Variants in HPGD observed in about 807,000 individuals in gnomAD.
HPGD encodes 15-hydroxyprostaglandin dehydrogenase [NAD(+)].
A neutral mutation model predicts 30.0 loss-of-function variants in HPGD; 29 were observed. The observed-to-expected ratio is 0.97, with a 90% CI of 0.72 to 1.32. The LOEUF is 1.32. Among genes scored for constraint, HPGD ranks in the 40% most tolerant of loss-of-function variants. HPGD has a pLI of 0.00. For synonymous variants in HPGD, 99 were observed against 112.4 expected (o/e 0.88, Z 0.75); for missense variants, 340 against 322.1 (o/e 1.06, Z -0.43).
chr4:174,518,666 C>T (rs1049343511), intron 2 of HPGD, among the ~76,000 whole-genome samples: 22 of 151,972 alleles, frequency 1.4e-4, no homozygotes, highest in African/African-American at 5.1e-4. Context: ...ACTGAAACTT[C>T]GATGTTTACT....
At chr4:174,501,915 A>T (rs1734920723) in intron 4 of HPGD, among the ~76,000 whole-genome samples, 2 of 152,196 alleles carry the variant, frequency 1.3e-5, no homozygotes, top group Admixed American at 1.3e-4. Flanking sequence ...TTTTTTGCAA[A>T]AACAGAAACC....
intron 3 of HPGD, among the ~76,000 whole-genome samples, chr4:174,513,516 G>T (rs1321821317): frequency 6.6e-6 from 1 of 150,650 alleles, no homozygotes; most frequent in Non-Finnish European, 1.5e-5. Context: ...TTTAGGGAAG[G>T]AATAGAAAAA....
chr4:174,501,488 G>C (rs559138252), intron 4 of HPGD, among the ~76,000 whole-genome samples: 1 of 152,198 alleles, frequency 6.6e-6, no homozygotes, highest in African/African-American at 2.4e-5. Context: ...CAGTACCTCT[G>C]ATAGGCCCAC....
chr4:174,502,474 G>C (rs562848448), intron 4 of HPGD, among the ~76,000 whole-genome samples: 22 of 152,072 alleles, frequency 1.4e-4, no homozygotes, highest in Admixed American at 4.6e-4. Context: ...GTCAGGAGAT[G>C]GTGACCATCC....
intron 4 of HPGD, among the ~76,000 whole-genome samples, 193 bp downstream of exon 4, chr4:174,508,503 A>T (rs1413911472): frequency 6.6e-6 from 1 of 152,184 alleles, no homozygotes; most frequent in Non-Finnish European, 1.5e-5. Context: ...TAAAAGCCAC[A>T]AGTTAAATTA....
chr4:174,515,902 G>A (rs912035471), intron 3 of HPGD, among the ~76,000 whole-genome samples: 1 of 152,082 alleles, frequency 6.6e-6, no homozygotes, highest in Non-Finnish European at 1.5e-5. Context: ...CTAATCATCA[G>A]AGAAATGCAA....
At chr4:174,502,420 TG>T (rs1386401417) in intron 4 of HPGD, among the ~76,000 whole-genome samples, 1 of 152,172 alleles carries the variant, frequency 6.6e-6, no homozygotes, top group African/African-American at 2.4e-5. Flanking sequence ...GGCTGACGCC[TG>T]TAATCCCAGC....
chr4:174,500,107 C>T (rs1734830729), intron 4 of HPGD, among the ~76,000 whole-genome samples: 2 of 152,174 alleles, frequency 1.3e-5, no homozygotes, highest in Non-Finnish European at 2.9e-5. Context: ...AGTGGGTGCT[C>T]AGCCTGGGCA....
At chr4:174,499,697 C>T (rs1164249502) in intron 4 of HPGD, among the ~76,000 whole-genome samples, 1 of 152,148 alleles carries the variant, frequency 6.6e-6, no homozygotes, top group African/African-American at 2.4e-5. Flanking sequence ...TGATCCCTTC[C>T]TCAGCAGCAA....
upstream of HPGD, chr4:174,522,517 G>GC (rs1200506507): frequency 5.6e-6 from 7 of 1,252,528 alleles, no homozygotes; most frequent in East Asian, 8.5e-5. Context: ...CGGCTTTTAT[G>GC]CCCCCCTGCG....
chr4:174,508,149 C>G (rs1323841821), intron 4 of HPGD: 2 of 702,392 alleles, frequency 2.8e-6, no homozygotes, highest in Non-Finnish European at 5.2e-6. Flanking sequence ...CTTCTGCCAG[C>G]CAGGTTTTCA....
intron 3 of HPGD, among the ~76,000 whole-genome samples, chr4:174,509,398 T>C (rs1465535376): frequency 6.6e-6 from 1 of 152,206 alleles, no homozygotes; most frequent in Non-Finnish European, 1.5e-5. Flanking sequence ...AATTCAGTCA[T>C]GGAAATCCCA....
chr4:174,518,094 A>T lies in HPGD; in HGVS notation c.218-17T>A. On this transcript the variant is annotated splice_polypyrimidine_tract_variant and intron_variant, in intron 2 of 6. Coordinates refer to ENST00000296522, the MANE Select transcript of HPGD (RefSeq NM_000860.6). ...TAAAAGTGTCTAATTATAAAACAAG[A>T]TATTAGTGATACATTCTTATTTTCC... 1 of 1,123,530 alleles carries T rather than the reference A, an allele frequency of 8.9e-7. No homozygotes were observed. Among genetic ancestry groups the T allele is most frequent in the Non-Finnish European group, 1.4e-6 (1 of 735,812 alleles). The allele number at this position is 1,123,530 out of a possible 1,614,324, so 69.6% of individuals were successfully genotyped here.
intron 5 of HPGD, 66 bp from the exon 6 acceptor site, chr4:174,493,380 T>C: frequency 6.9e-7 from 1 of 1,456,186 alleles, no homozygotes; most frequent in Non-Finnish European, 9.6e-7. Context: ...AAACTGATCA[T>C]TAAAGCATCT....
At chr4:174,522,294 G>T in intron 1 of HPGD, 65 bp downstream of exon 1, 2 of 1,466,678 alleles carry the variant, frequency 1.4e-6, no homozygotes, top group South Asian at 1.2e-5. Context: ...AGTGCACCTC[G>T]GGCGGCGGGG....
In HPGD at chr4:174,496,810, C is replaced by T. The variant is rs1734618558; in HGVS notation, c.422-1186G>A. ...GCAGACCATAACCACTCCCTGGGTG[C>T]CTGCCAGGTTTCAATTTATAAAGTA... is the stretch of plus-strand genomic sequence containing the variant. On this transcript the variant is annotated intron_variant, in intron 4 of 6. Coordinates refer to ENST00000296522, the MANE Select transcript of HPGD (RefSeq NM_000860.6). The surrounding 1 kb of genome is among the most constrained non-coding windows in gnomAD (Gnocchi z 4.6). Among the ~76,000 whole-genome samples, 1 of 152,176 alleles carries T rather than the reference C, an allele frequency of 6.6e-6. No individual in the cohort carries two copies. Among genetic ancestry groups the T allele is most frequent in the Non-Finnish European group, 1.5e-5 (1 of 68,032 alleles).
rs2110759422 is a variant in HPGD, at chr4:174,490,788, A to C, written c.*1168T>G. 6.6e-6 allele frequency: 1 copy of C among 152,464 alleles called. No individual in the cohort carries two copies. The highest frequency in any genetic ancestry group is 3.4e-3 in the Middle Eastern group (1 of 294). The allele number at this position is 152,464 out of a possible 1,614,324, so 9.4% of individuals were successfully genotyped here. ...GCTGGGAGGTCTGGAGTTAGCAGACAGGATGAGTCACTTATACGATATTTT... is the reference window on the plus strand; with the variant it reads ...GCTGGGAGGTCTGGAGTTAGCAGACCGGATGAGTCACTTATACGATATTTT... On this transcript the variant is annotated 3_prime_UTR_variant, in exon 7 of 7. Coordinates refer to ENST00000296522, the MANE Select transcript of HPGD (RefSeq NM_000860.6). The surrounding 1 kb of genome is among the most constrained non-coding windows in gnomAD (Gnocchi z 4.4).
chr4:174,517,160 T>C (rs1157595736), intron 3 of HPGD, among the ~76,000 whole-genome samples: 1 of 152,188 alleles, frequency 6.6e-6, no homozygotes, highest in Admixed American at 6.5e-5. Flanking sequence ...CAATATCTTA[T>C]GTCAAGGGTA....
intron 3 of HPGD, among the ~76,000 whole-genome samples, chr4:174,511,327 G>A (rs1735479862): frequency 6.6e-6 from 1 of 152,148 alleles, no homozygotes; most frequent in African/African-American, 2.4e-5. Context: ...GCACGTGAGA[G>A]TTATTTATAT....
Sources: allele counts gnomAD v4.1 joint callset (sites outside exome capture counted in the v4.1 genomes callset), GRCh38; gene constraint gnomAD v4.1.1; non-coding constraint Gnocchi (gnomAD v3.1); transcripts MANE v1.5; gene names NCBI Gene and HGNC (gene_info 2026-07-23, HGNC 2026-07-21).